The following FMNL2 variants were observed in gnomAD, a reference collection of about 807,000 sequenced individuals.
FMNL2 encodes formin-like protein 2.
Under a neutral mutation model 130.2 loss-of-function variants are expected in FMNL2, and 51 were observed. That is an observed-to-expected ratio of 0.39 (90% CI 0.31 to 0.49). FMNL2 has a LOEUF of 0.49. Ranked by LOEUF, FMNL2 falls within the 20% of genes least tolerant of loss-of-function variation. The probability of loss-of-function intolerance (pLI) is 0.85; values close to 1 mark genes in which losing one functional copy is unlikely to be tolerated. For missense variants in FMNL2, 977 were observed against 1,316.2 expected (o/e 0.74, Z 3.99); for synonymous variants, 465 against 467.1 (o/e 1.00, Z 0.06).
At chr2:152,483,139 A>C (rs1416165503) in intron 1 of FMNL2, among the ~76,000 whole-genome samples, 2 of 152,182 alleles carry the variant, frequency 1.3e-5, no homozygotes, top group Admixed American at 1.3e-4. Flanking sequence ...AATTCCATAA[A>C]GACTGGACAT....
chr2:152,606,621 T>C (rs565547431), intron 9 of FMNL2, among the ~76,000 whole-genome samples: 202 of 124,354 alleles, frequency 1.6e-3, no homozygotes, highest in South Asian at 3.9e-3. Flanking sequence ...TAGAAATCTT[T>C]TTTGACTCTT....
At chr2:152,585,534 A>C (rs1449766579) in intron 9 of FMNL2, among the ~76,000 whole-genome samples, 1 of 152,220 alleles carries the variant, frequency 6.6e-6, no homozygotes, top group Admixed American at 6.5e-5. Context: ...AAAAGCACAG[A>C]CTTGACAAGG....
intron 1 of FMNL2, among the ~76,000 whole-genome samples, chr2:152,428,449 G>C (rs1190872676): frequency 1.3e-5 from 2 of 152,136 alleles, no homozygotes; most frequent in East Asian, 3.9e-4. Context: ...ATTGCTCTTT[G>C]TGTTGCCTGC....
chr2:152,605,011 G>A (rs1698285924), intron 9 of FMNL2, among the ~76,000 whole-genome samples: 1 of 149,618 alleles, frequency 6.7e-6, no homozygotes, highest in South Asian at 2.2e-4. Flanking sequence ...TTGTCTCTTT[G>A]GGCGTAAGAT....
At chr2:152,531,006 C>T (rs772506670) in intron 2 of FMNL2, among the ~76,000 whole-genome samples, 2 of 152,116 alleles carry the variant, frequency 1.3e-5, no homozygotes, top group Non-Finnish European at 2.9e-5. Context: ...GTCAACATGG[C>T]GGATACTAGC....
intron 2 of FMNL2, among the ~76,000 whole-genome samples, chr2:152,532,915 C>A (rs1314315952): frequency 6.6e-6 from 1 of 151,952 alleles, no homozygotes; most frequent in Non-Finnish European, 1.5e-5. Context: ...GCCTCTTTTG[C>A]CTATTTTTAA....
intron 1 of FMNL2, among the ~76,000 whole-genome samples, chr2:152,474,554 C>T (rs186852532): frequency 5.9e-5 from 9 of 152,148 alleles, no homozygotes; most frequent in East Asian, 1.9e-4. Context: ...GGCGTGGTGG[C>T]GCACGCCTGT....
At chr2:152,451,218 G>A (rs1226009269) in intron 1 of FMNL2, among the ~76,000 whole-genome samples, 1 of 151,984 alleles carries the variant, frequency 6.6e-6, no homozygotes, top group Non-Finnish European at 1.5e-5. Context: ...GCACCATCTT[G>A]GTTCACTGCA....
At chr2:152,366,572 A>T (rs1683564739) in intron 1 of FMNL2, among the ~76,000 whole-genome samples, 1 of 152,232 alleles carries the variant, frequency 6.6e-6, no homozygotes. Context: ...TGGATTAATT[A>T]TAATAACATA....
At chr2:152,583,100 T>G (rs1696882491) in intron 9 of FMNL2, among the ~76,000 whole-genome samples, 1 of 152,266 alleles carries the variant, frequency 6.6e-6, no homozygotes, top group South Asian at 2.1e-4. Flanking sequence ...GGGTGTAGTA[T>G]GTGCTTAATT....
chr2:152,638,885 A>C (rs971511798), intron 23 of FMNL2, among the ~76,000 whole-genome samples: 5 of 152,372 alleles, frequency 3.3e-5, no homozygotes, highest in Middle Eastern at 3.4e-3. Context: ...ATATATTTTA[A>C]AATCGGCTAA....
At chr2:152,554,179 G>A (rs1378087610) in intron 4 of FMNL2, among the ~76,000 whole-genome samples, 1 of 152,184 alleles carries the variant, frequency 6.6e-6, no homozygotes, top group African/African-American at 2.4e-5. Context: ...GCCAAGGTGG[G>A]CAGGATGGCT....
chr2:152,465,513 G>T (rs1056293515), intron 1 of FMNL2, among the ~76,000 whole-genome samples: 5 of 152,188 alleles, frequency 3.3e-5, no homozygotes. Context: ...CTTGAATGAG[G>T]CTTTTGGATG....
chr2:152,404,107 G>A (rs572920520), intron 1 of FMNL2, among the ~76,000 whole-genome samples: 2 of 152,250 alleles, frequency 1.3e-5, no homozygotes, highest in African/African-American at 2.4e-5. Context: ...TCACACATTG[G>A]TTATCAATCC....
At chr2:152,556,123 G>T (rs1264401254) in intron 4 of FMNL2, among the ~76,000 whole-genome samples, 1 of 152,210 alleles carries the variant, frequency 6.6e-6, no homozygotes, top group African/African-American at 2.4e-5. Context: ...AAGTCAAGAA[G>T]GGGTAGGGAC....
chr2:152,385,565 C>T (rs1684734395), intron 1 of FMNL2, among the ~76,000 whole-genome samples: 1 of 152,166 alleles, frequency 6.6e-6, no homozygotes, highest in South Asian at 2.1e-4. Context: ...ATAATGCTCA[C>T]TGTCCTGGTG....
At chr2:152,358,688 T>G (rs1355318604) in intron 1 of FMNL2, among the ~76,000 whole-genome samples, 1 of 152,102 alleles carries the variant, frequency 6.6e-6, no homozygotes, top group East Asian at 1.9e-4. Flanking sequence ...ACATATATCC[T>G]ATTAGTTCTG....
chr2:152,608,557 T>A (rs1698513322), intron 10 of FMNL2, among the ~76,000 whole-genome samples: 2 of 148,826 alleles, frequency 1.3e-5, no homozygotes, highest in South Asian at 4.2e-4. Context: ...TACATATATA[T>A]GTATATATAT....
chr2:152,388,515 A>C (rs1052309098), intron 1 of FMNL2, among the ~76,000 whole-genome samples: 1 of 152,164 alleles, frequency 6.6e-6, no homozygotes, highest in Non-Finnish European at 1.5e-5. Flanking sequence ...TACCCCCGTG[A>C]TTCAATTACC....
Sources: allele counts gnomAD v4.1 joint callset (sites outside exome capture counted in the v4.1 genomes callset), GRCh38; gene constraint gnomAD v4.1.1; transcripts MANE v1.5; gene names NCBI Gene and HGNC (gene_info 2026-07-23, HGNC 2026-07-21).